Variants in UBE2R2 observed in about 807,000 individuals in gnomAD.
UBE2R2 encodes ubiquitin-conjugating enzyme E2 R2.
UBE2R2 carries 1 observed loss-of-function variant against 27.8 expected under a neutral mutation model. The ratio of observed to expected loss-of-function variants is 0.04; its 90% CI spans 0.01 to 0.17. UBE2R2 has a LOEUF of 0.17. Ranked by LOEUF, UBE2R2 falls within the 10% of genes least tolerant of loss-of-function variation. The pLI is 1.00. For missense variants in UBE2R2, 100 were observed against 291.0 expected, an observed-to-expected ratio of 0.34 and a Z score of 4.78; for synonymous variants, 106 against 113.3, an observed-to-expected ratio of 0.94 and a Z score of 0.41.
intron 1 of UBE2R2, among the ~76,000 whole-genome samples, chr9:33,862,503 G>A (rs147384756): frequency 0.018 from 2,738 of 152,228 alleles, 44 homozygotes; most frequent in Non-Finnish European, 0.03. Flanking sequence ...CTCTTTGGCT[G>A]AATTACATGC....
intron 1 of UBE2R2, among the ~76,000 whole-genome samples, chr9:33,860,927 C>G (rs1429938098): frequency 1.4e-5 from 2 of 143,512 alleles, no homozygotes; most frequent in African/African-American, 2.5e-5. Context: ...ATCGTTAACC[C>G]TGTGTTAAGT....
rs757287357 is a variant in UBE2R2 at position 33,916,993 on chromosome 9, C to G, written c.498-25C>G. 6 of 1,613,068 alleles carry G rather than the reference C, an allele frequency of 3.7e-6. No individual in the cohort carries two copies. In the African/African-American group the frequency reaches 6.7e-5, roughly 18 times the overall value. On this transcript the variant is annotated intron_variant, in intron 4 of 4. Coordinates refer to ENST00000263228, the MANE Select transcript of UBE2R2 (RefSeq NM_017811.4). ...TCTTAAAAAAAGACTTACCGTAAAC[C>G]ATTTCTGTGTCAACCTCCCTTCAGG...
intron 1 of UBE2R2, among the ~76,000 whole-genome samples, chr9:33,821,454 G>A (rs565341086): frequency 9.9e-5 from 15 of 152,000 alleles, no homozygotes; most frequent in African/African-American, 2.9e-4. Context: ...CACCATGCCC[G>A]GCTGGAACTA....
chr9:33,880,115 C>A (rs1030189920), intron 1 of UBE2R2, among the ~76,000 whole-genome samples: 11 of 151,312 alleles, frequency 7.3e-5, no homozygotes, highest in African/African-American at 2.7e-4. Flanking sequence ...CCAACTCCTG[C>A]GCTCAAGGAA....
chr9:33,847,422 G>A (rs1820870211), intron 1 of UBE2R2, among the ~76,000 whole-genome samples: 1 of 151,952 alleles, frequency 6.6e-6, no homozygotes, highest in South Asian at 2.1e-4. Context: ...TTTTAGTAAT[G>A]CTATTATTGC....
intron 1 of UBE2R2, among the ~76,000 whole-genome samples, chr9:33,839,231 T>A (rs1166955519): frequency 6.6e-6 from 1 of 151,850 alleles, no homozygotes; most frequent in African/African-American, 2.4e-5. Context: ...ATGAAATTAG[T>A]GTTTGTGTTT....
At chr9:33,892,112 T>A (rs1342137509) in intron 2 of UBE2R2, among the ~76,000 whole-genome samples, 3 of 152,198 alleles carry the variant, frequency 2.0e-5, no homozygotes, top group Non-Finnish European at 4.4e-5. Context: ...TCAGTGATTG[T>A]GCTGCACAAT....
At chr9:33,910,498 A>G (rs1184871674) in intron 3 of UBE2R2, among the ~76,000 whole-genome samples, 2 of 152,112 alleles carry the variant, frequency 1.3e-5, no homozygotes, top group African/African-American at 4.8e-5. Flanking sequence ...TGGAATGTCT[A>G]ATTTTTATCT....
intron 1 of UBE2R2, among the ~76,000 whole-genome samples, chr9:33,818,389 T>TGGGGGG (rs1825878976): frequency 9.7e-4 from 7 of 7,218 alleles, no homozygotes; most frequent in African/African-American, 3.8e-3. Context: ...GGGGGTGGGG[T>TGGGGGG]GGGGGAGGGG....
At chr9:33,849,701 AAAAAAAGTC>A (rs1820922204) in intron 1 of UBE2R2, among the ~76,000 whole-genome samples, 1 of 151,774 alleles carries the variant, frequency 6.6e-6, no homozygotes, top group Non-Finnish European at 1.5e-5. Context: ...AAAAAAAAAA[AAAAAAAGTC>A]AGGCGGTGTG....
chr9:33,918,896 G>T lies in UBE2R2; in HGVS notation c.*1659G>T, dbSNP rs1822725649. The T allele has an allele frequency of 6.6e-6, 1 of 152,030 alleles. No homozygotes were observed. The allele number at this position is 152,030 out of a possible 1,614,324, so 9.4% of individuals were successfully genotyped here. Reference sequence around the variant, plus strand: ...CTCCTCCTTCCATTCTGATCTCAGGGTTTTCACTCTTCAAACTCCCAAACA... The same window carrying T: ...CTCCTCCTTCCATTCTGATCTCAGGTTTTTCACTCTTCAAACTCCCAAACA... On this transcript the variant is annotated 3_prime_UTR_variant, in exon 5 of 5. Coordinates refer to ENST00000263228, the MANE Select transcript of UBE2R2 (RefSeq NM_017811.4).
At chr9:33,819,699 C>T (rs953227331) in intron 1 of UBE2R2, among the ~76,000 whole-genome samples, 3 of 151,138 alleles carry the variant, frequency 2.0e-5, no homozygotes, top group African/African-American at 7.3e-5. Flanking sequence ...AGTGCAGTGG[C>T]GCGATCTCGC....
intron 1 of UBE2R2, among the ~76,000 whole-genome samples, chr9:33,822,887 C>T (rs1029568111): frequency 4.3e-4 from 63 of 146,328 alleles, no homozygotes; most frequent in African/African-American, 1.3e-3. Context: ...TCTTTTTTTT[C>T]TTTTTCTTCT....
intron 4 of UBE2R2, among the ~76,000 whole-genome samples, chr9:33,916,531 G>A (rs1243409062): frequency 6.6e-6 from 1 of 152,202 alleles, no homozygotes; most frequent in Non-Finnish European, 1.5e-5. Flanking sequence ...AGAGTGGGAC[G>A]TTTTATTCAC....
chr9:33,873,472 C>T (rs1821532494), intron 1 of UBE2R2, among the ~76,000 whole-genome samples: 1 of 152,046 alleles, frequency 6.6e-6, no homozygotes. Context: ...GCAGAAAGAA[C>T]CAGTGCTTAT....
intron 1 of UBE2R2, among the ~76,000 whole-genome samples, chr9:33,831,995 A>C (rs1344347034): frequency 6.6e-6 from 1 of 151,860 alleles, no homozygotes; most frequent in African/African-American, 2.4e-5. Context: ...GATTCATTGA[A>C]TCAACGATAG....
intron 1 of UBE2R2, among the ~76,000 whole-genome samples, chr9:33,846,903 T>A (rs1162448380): frequency 6.6e-6 from 1 of 152,130 alleles, no homozygotes; most frequent in Non-Finnish European, 1.5e-5. Flanking sequence ...AGATTTTCCT[T>A]CAGCTTAGTG....
Position 33,840,294 on chromosome 9 carries a change from C to T in UBE2R2, c.177+22360C>T, listed in dbSNP as rs1468930725. Among the ~76,000 whole-genome samples the T allele has an allele frequency of 1.3e-5, 2 of 152,150 alleles. 1 individual carries two copies. The highest frequency in any genetic ancestry group is 2.9e-5 in the Non-Finnish European group (2 of 68,034). ...ACCTCCCAAAAAAGAAAAATAACCACTACTTCACTCTCTCTCAGTCATTTC... is the reference window on the plus strand; with the variant it reads ...ACCTCCCAAAAAAGAAAAATAACCATTACTTCACTCTCTCTCAGTCATTTC... On this transcript the variant is annotated intron_variant, in intron 1 of 4. Transcript: ENST00000263228.
intron 1 of UBE2R2, among the ~76,000 whole-genome samples, chr9:33,818,336 T>G (rs1825874039): frequency 8.2e-6 from 1 of 122,666 alleles, no homozygotes; most frequent in Non-Finnish European, 1.6e-5. Context: ...CAGGGTGACC[T>G]GCACCGACTG....
Sources: allele counts gnomAD v4.1 joint callset (sites outside exome capture counted in the v4.1 genomes callset), GRCh38; gene constraint gnomAD v4.1.1; transcripts MANE v1.5; gene names NCBI Gene and HGNC (gene_info 2026-07-23, HGNC 2026-07-21).